WNT2: variants seen among roughly 807,000 people sequenced by gnomAD.
The protein encoded by WNT2 is protein Wnt-2.
A neutral mutation model predicts 36.9 loss-of-function variants in WNT2; 12 were observed. The observed-to-expected ratio is 0.33, with a 90% CI of 0.21 to 0.53. The LOEUF (loss-of-function observed/expected upper bound fraction) is 0.53. WNT2 is among the 20% of genes least tolerant of loss of function. The pLI, the probability that WNT2 is intolerant of heterozygous loss-of-function variation, is 0.95. For missense variants in WNT2, 379 were observed against 473.1 expected, an observed-to-expected ratio of 0.80 and a Z score of 1.84; for synonymous variants, 163 against 174.6, an observed-to-expected ratio of 0.93 and a Z score of 0.52.
chr7:117,278,036 G>A lies in WNT2; in HGVS notation c.*119C>T. 5.0e-6 allele frequency: 6 copies of A among 1,199,256 alleles called. No individual in the cohort carries two copies. Among genetic ancestry groups the A allele is most frequent in the Middle Eastern group, 2.0e-4 (1 of 5,066 alleles). 74.3% of individuals were successfully genotyped at this position (1,199,256 alleles called of 1,614,324 possible). A position where few individuals can be genotyped will look rare whatever the true frequency, so the allele number is the denominator to read the frequency against. Reference sequence around the variant, plus strand: ...CAGGGAGGAAGAGGGGGCTTCCGTTGAGATAAAGGCCACATGCCTTAGGAA... The same window carrying A: ...CAGGGAGGAAGAGGGGGCTTCCGTTAAGATAAAGGCCACATGCCTTAGGAA... On this transcript the variant is annotated 3_prime_UTR_variant, in exon 5 of 5. Coordinates refer to ENST00000265441, the MANE Select transcript of WNT2 (RefSeq NM_003391.3).
chr7:117,311,512 A>G (rs1300251124), intron 3 of WNT2, among the ~76,000 whole-genome samples: 5 of 152,170 alleles, frequency 3.3e-5, no homozygotes, highest in Admixed American at 6.5e-5. Flanking sequence ...TAGAAATATG[A>G]ATACTATTTT....
At chr7:117,299,118 G>T (rs777829281) in intron 3 of WNT2, among the ~76,000 whole-genome samples, 6 of 152,356 alleles carry the variant, frequency 3.9e-5, no homozygotes, top group East Asian at 1.9e-4. Flanking sequence ...TTTAAAGGAT[G>T]TCTTAGAATG....
intron 4 of WNT2, among the ~76,000 whole-genome samples, chr7:117,287,062 C>T (rs1794594715): frequency 6.6e-6 from 1 of 152,150 alleles, no homozygotes; most frequent in African/African-American, 2.4e-5. Flanking sequence ...ATAAGAGTTA[C>T]TCTCGGCCGG....
At chr7:117,318,994 T>G (rs1191431910) in intron 2 of WNT2, among the ~76,000 whole-genome samples, 1 of 152,226 alleles carries the variant, frequency 6.6e-6, no homozygotes, top group Non-Finnish European at 1.5e-5. Context: ...TATGTAGATA[T>G]CTTAATAGAT....
chr7:117,280,099 C>T (rs762696198), intron 4 of WNT2, among the ~76,000 whole-genome samples: 3 of 151,842 alleles, frequency 2.0e-5, no homozygotes, highest in Non-Finnish European at 1.5e-5. Context: ...TGATTGGCGG[C>T]GGAGAGCAGG....
chr7:117,286,091 C>T (rs1461465752), intron 4 of WNT2, among the ~76,000 whole-genome samples: 1 of 152,132 alleles, frequency 6.6e-6, no homozygotes, highest in Non-Finnish European at 1.5e-5. Flanking sequence ...TGTTGTCATC[C>T]TGACTCGCAC....
At position 117,322,491 on chromosome 7, in the gene WNT2, T is replaced by TG. The variant is rs1795348426; in HGVS notation, c.83+415dup. Among the ~76,000 whole-genome samples the TG allele has an allele frequency of 1.3e-5, 1 of 75,800 alleles. No homozygotes were observed. Among genetic ancestry groups the TG allele is most frequent in the African/African-American group, 5.2e-5 (1 of 19,136 alleles). 49.7% of individuals were successfully genotyped at this position (75,800 alleles called of 152,430 possible). ...TTACCTTGAGGCAGTTTTGGCGGGGTGGGGGCTGGGATGGGGGAGGCGGTT... is the reference window on the plus strand; with the variant it reads ...TTACCTTGAGGCAGTTTTGGCGGGGTGGGGGGCTGGGATGGGGGAGGCGGTT... On this transcript the variant is annotated intron_variant, in intron 1 of 4. Transcript: ENST00000265441. This position sits in a 1 kb window ranked among gnomAD's most constrained non-coding sequence, Gnocchi z 5.4.
In WNT2 at chr7:117,312,200, G is replaced by A. The variant is rs577835057; in HGVS notation, c.588+2871C>T. Reference sequence around the variant, plus strand: ...TTTTTTTGAGACAGGGTCTCGTGCTGTCACCCAGGCTGGAATGCTGTGGTG... The same window carrying A: ...TTTTTTTGAGACAGGGTCTCGTGCTATCACCCAGGCTGGAATGCTGTGGTG... On this transcript the variant is annotated intron_variant, in intron 3 of 4. Coordinates refer to ENST00000265441, the MANE Select transcript of WNT2 (RefSeq NM_003391.3). Among the ~76,000 whole-genome samples, 91 of 152,234 alleles carry A rather than the reference G, an allele frequency of 6.0e-4. 1 individual carries two copies. The highest frequency in any genetic ancestry group is 3.4e-3 in the Middle Eastern group (1 of 292).
intron 3 of WNT2, among the ~76,000 whole-genome samples, chr7:117,314,810 T>C (rs1225120730): frequency 6.6e-6 from 1 of 152,162 alleles, no homozygotes; most frequent in Non-Finnish European, 1.5e-5. Flanking sequence ...AGAGAGACCA[T>C]AAAAGACTTG....
At position 117,295,474 on chromosome 7, in the gene WNT2, G is replaced by C. The variant is rs180764418; in HGVS notation, c.853+2138C>G. Among the ~76,000 whole-genome samples, 9 of 150,412 alleles carry C rather than the reference G, an allele frequency of 6.0e-5. No homozygotes were observed. In the East Asian group the frequency reaches 1.8e-3, roughly 31 times the overall value. ...GAAGAGGCAGCAGGGATTAGATTCA[G>C]AATCACCTCTGTGGGGTAAAAAAAA... On this transcript the variant is annotated intron_variant, in intron 4 of 4. Coordinates refer to ENST00000265441, the MANE Select transcript of WNT2 (RefSeq NM_003391.3).
chr7:117,305,321 C>G (rs539467888), intron 3 of WNT2, among the ~76,000 whole-genome samples: 1 of 152,218 alleles, frequency 6.6e-6, no homozygotes, highest in South Asian at 2.1e-4. Context: ...ATTTGGCTTT[C>G]TCTTCCAAAT....
chr7:117,299,966 C>T (rs965382550), intron 3 of WNT2, among the ~76,000 whole-genome samples: 5 of 152,152 alleles, frequency 3.3e-5, no homozygotes, highest in African/African-American at 1.2e-4. Context: ...GCAACCTCCT[C>T]CCTTCCTTGC....
intron 1 of WNT2, among the ~76,000 whole-genome samples, 162 bp from the exon 2 acceptor site, chr7:117,320,955 A>C (rs954199975): frequency 6.6e-6 from 1 of 152,198 alleles, no homozygotes; most frequent in Non-Finnish European, 1.5e-5. Context: ...AATTTAGTGG[A>C]GAAACCGGCA....
chr7:117,315,960 C>G (rs999168423), intron 2 of WNT2, among the ~76,000 whole-genome samples: 4 of 152,210 alleles, frequency 2.6e-5, no homozygotes, highest in Non-Finnish European at 5.9e-5. Flanking sequence ...TTGGCATTGA[C>G]TTTCATAAGT....
intron 4 of WNT2, among the ~76,000 whole-genome samples, chr7:117,296,990 A>G (rs1039839734): frequency 4.6e-5 from 7 of 152,222 alleles, no homozygotes; most frequent in Non-Finnish European, 1.0e-4. Flanking sequence ...ACCATTTTCC[A>G]TAGTCACAGT....
At chr7:117,307,229 AG>A (rs1386871444) in intron 3 of WNT2, among the ~76,000 whole-genome samples, 1 of 152,238 alleles carries the variant, frequency 6.6e-6, no homozygotes, top group Non-Finnish European at 1.5e-5. Flanking sequence ...TATAATACTG[AG>A]GCATCACATT....
At chr7:117,313,498 G>C (rs1795160472) in intron 3 of WNT2, among the ~76,000 whole-genome samples, 1 of 152,136 alleles carries the variant, frequency 6.6e-6, no homozygotes, top group Non-Finnish European at 1.5e-5. Flanking sequence ...AAATATAATA[G>C]CTATGATCTA....
At chr7:117,304,914 A>T (rs1794988072) in intron 3 of WNT2, among the ~76,000 whole-genome samples, 1 of 152,166 alleles carries the variant, frequency 6.6e-6, no homozygotes, top group Non-Finnish European at 1.5e-5. Flanking sequence ...GTCTACCCAG[A>T]GGAAGATAAG....
At chr7:117,318,616 C>T (rs912837060) in intron 2 of WNT2, among the ~76,000 whole-genome samples, 6 of 152,200 alleles carry the variant, frequency 3.9e-5, no homozygotes, top group African/African-American at 1.4e-4. Context: ...TGGCTCACTG[C>T]AACCTCCTCC....
Sources: gnomAD v4.1 joint callset for allele counts (sites outside exome capture counted in the v4.1 genomes callset) on GRCh38, gnomAD v4.1.1 for gene constraint, Gnocchi (gnomAD v3.1) non-coding constraint, MANE v1.5 for transcripts, NCBI Gene and HGNC (gene_info 2026-07-23, HGNC 2026-07-21) for gene names.